Variants in CLVS1 observed in about 807,000 individuals in gnomAD.
CLVS1 encodes the protein clavesin 1, also known as clavesin-1.
A neutral mutation model predicts 33.1 loss-of-function variants in CLVS1; 10 were observed. That is an observed-to-expected ratio of 0.30 (90% confidence interval 0.19 to 0.51). The LOEUF (loss-of-function observed/expected upper bound fraction) is 0.51. CLVS1 is among the 20% of genes least tolerant of loss of function. The pLI is 0.97. For missense variants in CLVS1, 343 were observed against 433.4 expected (o/e 0.79, Z 1.85); for synonymous variants, 163 against 166.1 (o/e 0.98, Z 0.14).
At chr8:61,426,596 G>T (rs1283808643) in intron 3 of CLVS1, among the ~76,000 whole-genome samples, 1 of 152,124 alleles carries the variant, frequency 6.6e-6, no homozygotes, top group African/African-American at 2.4e-5. Context: ...GGAGGATCGG[G>T]CCCCTGCCAA....
At chr8:61,356,752 C>G (rs1219734866) in intron 2 of CLVS1, among the ~76,000 whole-genome samples, 1 of 152,142 alleles carries the variant, frequency 6.6e-6, no homozygotes, top group African/African-American at 2.4e-5. Flanking sequence ...TCTGAGGGCT[C>G]TGTTCTGTTC....
At chr8:61,206,934 T>G (rs1807859704) in intron 2 of CLVS1, among the ~76,000 whole-genome samples, 1 of 152,158 alleles carries the variant, frequency 6.6e-6, no homozygotes, top group South Asian at 2.1e-4. Context: ...TCCTAGTAGA[T>G]TCTGAGGTCA....
At chr8:61,193,438 C>T (rs973378340) in intron 2 of CLVS1, among the ~76,000 whole-genome samples, 2 of 151,970 alleles carry the variant, frequency 1.3e-5, no homozygotes, top group African/African-American at 4.8e-5. Flanking sequence ...TTAATGGGTG[C>T]AGCACACCAA....
At position 61,501,185 on chromosome 8, in the gene CLVS1, T is replaced by TATG. The variant is rs2129609540; in HGVS notation, c.*1644_*1646dup. On this transcript the variant is annotated 3_prime_UTR_variant, in exon 6 of 6. Transcript: ENST00000325897. ...AATGCAGTGATGGAAACACTTTTCT[T>TATG]ATGTACCAAGACATAGATAGGTAAG... The TATG allele has an allele frequency of 6.6e-6, 1 of 152,316 alleles. No homozygotes were observed. Among genetic ancestry groups the TATG allele is most frequent in the South Asian group, 2.1e-4 (1 of 4,830 alleles). The allele number at this position is 152,316 out of a possible 1,614,324, so 9.4% of individuals were successfully genotyped here.
At chr8:61,106,787 G>A (rs573072864) in intron 1 of CLVS1, among the ~76,000 whole-genome samples, 1 of 152,176 alleles carries the variant, frequency 6.6e-6, no homozygotes, top group Non-Finnish European at 1.5e-5. Flanking sequence ...TTCTAGATAA[G>A]AGTCAGCCCA....
intron 2 of CLVS1, among the ~76,000 whole-genome samples, chr8:61,193,691 A>G (rs1807543585): frequency 6.6e-6 from 1 of 151,892 alleles, no homozygotes; most frequent in East Asian, 1.9e-4. Context: ...AAATAATGTC[A>G]TTTTCAGACA....
upstream of CLVS1, among the ~76,000 whole-genome samples, chr8:61,283,170 T>C (rs1809709997): frequency 6.6e-6 from 1 of 152,242 alleles, no homozygotes; most frequent in Non-Finnish European, 1.5e-5. Flanking sequence ...GCCTTTCTAA[T>C]ATCAGTTAAT....
chr8:61,313,485 G>A lies in CLVS1; in HGVS notation c.455+13203G>A, dbSNP rs547895817. Among the ~76,000 whole-genome samples the A allele has an allele frequency of 3.3e-5, 5 of 152,286 alleles. No individual in the cohort carries two copies. In the East Asian group the frequency reaches 9.7e-4, roughly 29 times the overall value. ...CAAGCTCATATTCACACAAAGGATTGGAATAGATATGAGCATGCCAGTCAT... is the reference window on the plus strand; with the variant it reads ...CAAGCTCATATTCACACAAAGGATTAGAATAGATATGAGCATGCCAGTCAT... On this transcript the variant is annotated intron_variant, in intron 2 of 5. Coordinates refer to ENST00000325897, the MANE Select transcript of CLVS1 (RefSeq NM_173519.3).
chr8:61,085,318 A>G (rs147244953), intron 1 of CLVS1, among the ~76,000 whole-genome samples: 31 of 152,296 alleles, frequency 2.0e-4, no homozygotes, highest in Middle Eastern at 6.8e-3. Context: ...CGCTGTCCCA[A>G]AACATGTAAG....
chr8:61,331,654 C>T (rs1811597815), intron 2 of CLVS1, among the ~76,000 whole-genome samples: 1 of 152,114 alleles, frequency 6.6e-6, no homozygotes, highest in Admixed American at 6.5e-5. Flanking sequence ...AACACTTCCT[C>T]TCTAAGTGTA....
At chr8:61,264,370 A>G (rs1277692551) in intron 2 of CLVS1, among the ~76,000 whole-genome samples, 4 of 152,160 alleles carry the variant, frequency 2.6e-5, no homozygotes, top group Non-Finnish European at 5.9e-5. Context: ...GCAGTGGGAA[A>G]AATGGAAGGC....
chr8:61,473,958 T>G (rs1845258), intron 5 of CLVS1, among the ~76,000 whole-genome samples: 1 of 151,866 alleles, frequency 6.6e-6, no homozygotes, highest in South Asian at 2.1e-4. Context: ...TAGAACATGT[T>G]TCTCCTGTTC....
chr8:61,100,630 G>T (rs890362570), intron 1 of CLVS1, among the ~76,000 whole-genome samples: 6 of 152,078 alleles, frequency 3.9e-5, no homozygotes, highest in African/African-American at 1.4e-4. Context: ...TATATTCACA[G>T]ATTTGTGTAA....
chr8:61,034,374 T>A, the CLVS1 span, among the ~76,000 whole-genome samples: 15 of 152,320 alleles, frequency 9.8e-5, no homozygotes, highest in South Asian at 1.9e-3. Flanking sequence ...CTTATCATTT[T>A]TTTTTTGTGG....
At chr8:61,496,061 G>C (rs539289927) in intron 5 of CLVS1, among the ~76,000 whole-genome samples, 6 of 152,278 alleles carry the variant, frequency 3.9e-5, no homozygotes, top group Admixed American at 3.3e-4. Context: ...TTTTCTAGCT[G>C]AGTTGACTGT....
intron 2 of CLVS1, among the ~76,000 whole-genome samples, chr8:61,251,318 T>C (rs527928585): frequency 2.0e-4 from 30 of 152,334 alleles, no homozygotes; most frequent in Admixed American, 7.2e-4. Context: ...GCTTTGCCAG[T>C]ATTTTATTGA....
chr8:61,382,121 A>G (rs982750847), intron 3 of CLVS1, among the ~76,000 whole-genome samples: 1 of 152,200 alleles, frequency 6.6e-6, no homozygotes, highest in Non-Finnish European at 1.5e-5. Flanking sequence ...CCAAAGTGCC[A>G]TATTCACTCA....
chr8:61,432,849 C>T (rs1816166543), intron 3 of CLVS1, among the ~76,000 whole-genome samples: 1 of 152,160 alleles, frequency 6.6e-6, no homozygotes, highest in South Asian at 2.1e-4. Context: ...GAAACACAAG[C>T]CGCAGTAGGA....
At chr8:61,442,699 A>G (rs1190167508) in intron 3 of CLVS1, among the ~76,000 whole-genome samples, 1 of 152,146 alleles carries the variant, frequency 6.6e-6, no homozygotes, top group Non-Finnish European at 1.5e-5. Flanking sequence ...TCCCGGATTC[A>G]AGTGATTCTC....
Sources: gnomAD v4.1 joint callset for allele counts (sites outside exome capture counted in the v4.1 genomes callset) on GRCh38, gnomAD v4.1.1 for gene constraint, MANE v1.5 for transcripts, NCBI Gene and HGNC (gene_info 2026-07-23, HGNC 2026-07-21) for gene names.